The following MGAT4C variants were observed in gnomAD, a reference collection of about 807,000 sequenced individuals.
MGAT4C encodes the protein MGAT4 family member C.
MGAT4C carries 19 observed loss-of-function variants against 40.1 expected under a neutral mutation model. The ratio of observed to expected loss-of-function variants is 0.47; its 90% CI spans 0.33 to 0.70. MGAT4C has a LOEUF of 0.70. Ranked by LOEUF, MGAT4C falls within the 30% of genes least tolerant of loss-of-function variation. The probability of loss-of-function intolerance (pLI) is 0.02; values close to 1 mark genes in which losing one functional copy is unlikely to be tolerated. For synonymous variants in MGAT4C, 181 were observed against 187.1 expected (o/e 0.97, Z 0.27); for missense variants, 491 against 563.2 (o/e 0.87, Z 1.30).
intron 2 of MGAT4C, among the ~76,000 whole-genome samples, chr12:86,648,662 G>A (rs140347790): frequency 2.0e-4 from 31 of 151,978 alleles, no homozygotes; most frequent in African/African-American, 6.5e-4. Context: ...GATCTTGAAC[G>A]TCCCGGACTC....
At position 85,993,328 on chromosome 12, in the gene MGAT4C, G is replaced by A. The variant is rs566805318; in HGVS notation, c.-6-3776C>T. On this transcript the variant is annotated intron_variant, in intron 2 of 4. Coordinates refer to ENST00000611864, the MANE Select transcript of MGAT4C (RefSeq NM_001351288.2). Reference sequence around the variant, plus strand: ...ATGGGGAGGAGTTGGAAGAATGGCAGTGCCATTGGAGGACCAGTTGGAAGA... The same window carrying A: ...ATGGGGAGGAGTTGGAAGAATGGCAATGCCATTGGAGGACCAGTTGGAAGA... 3.3e-5 allele frequency among the ~76,000 whole-genome samples: 5 copies of A among 152,322 alleles called. No homozygotes were observed. In the South Asian group the frequency reaches 1.0e-3, roughly 32 times the overall value.
rs542641781 is a variant in MGAT4C at position 86,483,821 on chromosome 12, G to A, written c.-228-48556C>T. Among the ~76,000 whole-genome samples the A allele has an allele frequency of 3.4e-5, 5 of 145,348 alleles. No individual in the cohort carries two copies. The East Asian group carries it at 6.1e-4, about 18-fold the overall frequency. Reference sequence around the variant, plus strand: ...CTGGTGTCATTAGAGTGATCTTGATGTTAAGACAAGATGGCCTACTAGATG... The same window carrying A: ...CTGGTGTCATTAGAGTGATCTTGATATTAAGACAAGATGGCCTACTAGATG... On this transcript the variant is annotated intron_variant, in intron 2 of 7. Transcript: ENST00000548651.
chr12:86,015,916 A>G lies in MGAT4C; in HGVS notation c.-6-26364T>C, dbSNP rs1423299026. 2.0e-5 allele frequency: 3 copies of G among 152,188 alleles called. No homozygotes were observed. In the East Asian group the frequency reaches 5.8e-4, roughly 29 times the overall value. The allele number at this position is 152,188 out of a possible 1,614,324, so 9.4% of individuals were successfully genotyped here. On this transcript the variant is annotated intron_variant, in intron 2 of 4. Coordinates refer to ENST00000611864, the MANE Select transcript of MGAT4C (RefSeq NM_001351288.2). ...GGTAGGTGAGTGGTAGTAAGTATAC[A>G]ATTCCAAATAAATGGGCTACATTGC...
chr12:86,255,943 C>G (rs1248460196), intron 1 of MGAT4C, among the ~76,000 whole-genome samples: 1 of 152,096 alleles, frequency 6.6e-6, no homozygotes, highest in Non-Finnish European at 1.5e-5. Flanking sequence ...TACACATATA[C>G]AGTTTTAAAA....
rs568682618 is a variant in MGAT4C, at chr12:86,444,135, G to A, written c.-228-8870C>T. Among the ~76,000 whole-genome samples, 35 of 151,914 alleles carry A rather than the reference G, an allele frequency of 2.3e-4. No individual in the cohort carries two copies. In the South Asian group the frequency reaches 7.3e-3, roughly 32 times the overall value. On this transcript the variant is annotated intron_variant, in intron 2 of 7. Transcript: ENST00000548651. ...TCATTTTACAATATCTTCTCAACTC[G>A]CTTTTATAGAACATCCATATCACCA...
chr12:86,775,175 C>T (rs1951729985), intron 1 of MGAT4C, among the ~76,000 whole-genome samples: 1 of 152,062 alleles, frequency 6.6e-6, no homozygotes, highest in African/African-American at 2.4e-5. Flanking sequence ...TCTCAGTCTC[C>T]TGTGAATTAG....
intron 2 of MGAT4C, among the ~76,000 whole-genome samples, chr12:86,524,307 T>C (rs1958844040): frequency 6.6e-6 from 1 of 152,178 alleles, no homozygotes; most frequent in South Asian, 2.1e-4. Flanking sequence ...GTCCTCAGCA[T>C]TTACTTGGCT....
rs1026305775 is a variant in MGAT4C, at chr12:85,967,439, T to A, written c.*11850A>T. 1.3e-5 allele frequency: 2 copies of A among 152,124 alleles called. No individual in the cohort carries two copies. The highest frequency in any genetic ancestry group is 4.8e-5 in the African/African-American group (2 of 41,452). The allele number at this position is 152,124 out of a possible 1,614,324, so 9.4% of individuals were successfully genotyped here. On this transcript the variant is annotated 3_prime_UTR_variant, in exon 5 of 5. Transcript: ENST00000611864. ...ATAAAACCCATAAATTCAAGCTTATTAGTTTTCATTTTCAGCAAGGTTTAT... is the reference window on the plus strand; with the variant it reads ...ATAAAACCCATAAATTCAAGCTTATAAGTTTTCATTTTCAGCAAGGTTTAT...
At chr12:86,329,669 T>C (rs1311534134) in intron 4 of MGAT4C, among the ~76,000 whole-genome samples, 9 of 152,186 alleles carry the variant, frequency 5.9e-5, no homozygotes, top group African/African-American at 2.2e-4. Flanking sequence ...CTTAATACTA[T>C]AAACTTTATA....
rs1883360678 is a variant in MGAT4C, at chr12:85,966,289, C to T, written c.*13000G>A. 6.6e-6 allele frequency: 1 copy of T among 151,914 alleles called. No individual in the cohort carries two copies. Among genetic ancestry groups the T allele is most frequent in the Admixed American group, 6.6e-5 (1 of 15,252 alleles). The allele number at this position is 151,914 out of a possible 1,614,324, so 9.4% of individuals were successfully genotyped here. Reference sequence around the variant, plus strand: ...TTTGCTAAGCTTGTGGATGAAGCCGCATGTCTCTTTTTTTTTTAACCTGGC... The same window carrying T: ...TTTGCTAAGCTTGTGGATGAAGCCGTATGTCTCTTTTTTTTTTAACCTGGC... On this transcript the variant is annotated 3_prime_UTR_variant, in exon 5 of 5. Transcript: ENST00000611864.
chr12:86,509,506 C>T (rs1235091968), intron 2 of MGAT4C, among the ~76,000 whole-genome samples: 2 of 152,098 alleles, frequency 1.3e-5, no homozygotes, highest in Admixed American at 6.6e-5. Flanking sequence ...ATGCCTCCAG[C>T]TTTGTTCTTT....
intron 2 of MGAT4C, among the ~76,000 whole-genome samples, chr12:86,593,904 G>A (rs1041225164): frequency 2.0e-5 from 3 of 152,144 alleles, no homozygotes; most frequent in Non-Finnish European, 4.4e-5. Context: ...GGTGGTGGGA[G>A]TAGAGACAAT....
intron 2 of MGAT4C, among the ~76,000 whole-genome samples, chr12:86,457,194 A>G (rs1480517109): frequency 6.6e-6 from 1 of 152,052 alleles, no homozygotes; most frequent in East Asian, 1.9e-4. Flanking sequence ...CCTTTTTATT[A>G]TAATAGAATT....
intron 2 of MGAT4C, among the ~76,000 whole-genome samples, chr12:86,637,671 C>T (rs1004384408): frequency 6.6e-6 from 1 of 151,788 alleles, no homozygotes; most frequent in Non-Finnish European, 1.5e-5. Context: ...AAAATGGCAC[C>T]GAGATTTCAT....
intron 2 of MGAT4C, among the ~76,000 whole-genome samples, chr12:85,992,957 C>T (rs73392040): frequency 0.088 from 13,362 of 152,208 alleles, 1,325 homozygotes; most frequent in African/African-American, 0.25. Flanking sequence ...GGGAATCAAC[C>T]CCCTTTGCTC....
chr12:86,829,962 C>T (rs1184308887), intron 1 of MGAT4C, among the ~76,000 whole-genome samples: 1 of 150,836 alleles, frequency 6.6e-6, no homozygotes, highest in Non-Finnish European at 1.5e-5. Flanking sequence ...AAATGCATTG[C>T]TGGATATATT....
intron 2 of MGAT4C, chr12:86,016,470 A>G (rs1222284835): frequency 1.3e-5 from 2 of 152,220 alleles, no homozygotes; most frequent in African/African-American, 4.8e-5. Context: ...TCGTGATACC[A>G]ACGTTATCAT....
chr12:86,790,496 A>G (rs1189922883), intron 1 of MGAT4C, among the ~76,000 whole-genome samples: 1 of 152,154 alleles, frequency 6.6e-6, no homozygotes, highest in Non-Finnish European at 1.5e-5. Context: ...CCGAAAAGAA[A>G]TCATCTTAAA....
At chr12:86,021,169 A>T (rs532419577) in intron 2 of MGAT4C, among the ~76,000 whole-genome samples, 1 of 152,286 alleles carries the variant, frequency 6.6e-6, no homozygotes, top group South Asian at 2.1e-4. Context: ...CCATTGTGGA[A>T]GTCAGTGTGG....
Sources: allele counts gnomAD v4.1 joint callset (sites outside exome capture counted in the v4.1 genomes callset), GRCh38; gene constraint gnomAD v4.1.1; transcripts MANE v1.5; gene names NCBI Gene and HGNC (gene_info 2026-07-23, HGNC 2026-07-21).